The following IPCEF1 variants were observed in gnomAD, a reference collection of about 807,000 sequenced individuals.
The protein encoded by IPCEF1 is interactor protein for cytohesin exchange factors 1.
IPCEF1 carries 31 observed loss-of-function variants against 50.9 expected under a neutral mutation model. That is an observed-to-expected ratio of 0.61 (90% CI 0.46 to 0.82). The LOEUF is 0.82. IPCEF1 is among the 40% of genes least tolerant of loss of function. The pLI, the probability that IPCEF1 is intolerant of heterozygous loss-of-function variation, is 0.00. For missense variants in IPCEF1, 458 were observed against 514.0 expected (o/e 0.89, Z 1.05); for synonymous variants, 181 against 192.0 (o/e 0.94, Z 0.47).
intron 10 of IPCEF1, among the ~76,000 whole-genome samples, chr6:154,197,630 G>A (rs184879232): frequency 2.0e-5 from 3 of 152,320 alleles, no homozygotes; most frequent in Admixed American, 6.5e-5. Flanking sequence ...AAAAGGGCTG[G>A]TGGTACCCAG....
At chr6:154,283,852 C>T (rs962318841) in intron 2 of IPCEF1, among the ~76,000 whole-genome samples, 7 of 152,058 alleles carry the variant, frequency 4.6e-5, no homozygotes, top group African/African-American at 7.2e-5. Context: ...GCAAAATAAA[C>T]ACATTTTAGA....
At chr6:154,218,945 T>C (rs557979397) in intron 7 of IPCEF1, 1 of 152,312 alleles carries the variant, frequency 6.6e-6, no homozygotes, top group African/African-American at 2.4e-5. Context: ...ATAGCATAGA[T>C]AGGCGGTAAG....
At chr6:154,268,921 C>G (rs1369079869) in intron 2 of IPCEF1, among the ~76,000 whole-genome samples, 1 of 152,146 alleles carries the variant, frequency 6.6e-6, no homozygotes, top group African/African-American at 2.4e-5. Context: ...TGGGAGAGAT[C>G]GATCCCCTTT....
At chr6:154,241,622 T>G (rs1583885536) in intron 5 of IPCEF1, among the ~76,000 whole-genome samples, 1 of 152,298 alleles carries the variant, frequency 6.6e-6, no homozygotes, top group East Asian at 1.9e-4. Flanking sequence ...TTTATTTGCG[T>G]AGTGCGCCCT....
At chr6:154,246,176 T>C (rs1342515445) in intron 5 of IPCEF1, among the ~76,000 whole-genome samples, 1 of 152,164 alleles carries the variant, frequency 6.6e-6, no homozygotes, top group Non-Finnish European at 1.5e-5. Context: ...CTGAATTGAA[T>C]CAACTGACAC....
At chr6:154,270,143 A>G (rs993793071) in intron 2 of IPCEF1, among the ~76,000 whole-genome samples, 1 of 152,332 alleles carries the variant, frequency 6.6e-6, no homozygotes, top group Non-Finnish European at 1.5e-5. Context: ...ATTACCACAA[A>G]TTTAAAAATA....
chr6:154,331,792 C>T (rs185722834), intron 1 of IPCEF1, among the ~76,000 whole-genome samples: 26 of 152,186 alleles, frequency 1.7e-4, no homozygotes, highest in African/African-American at 6.0e-4. Flanking sequence ...TGCATGCAGC[C>T]CCTCCCAAGT....
At chr6:154,160,162 G>A (rs565093031) in intron 11 of IPCEF1, 122 bp from the exon 12 acceptor site, 29 of 741,954 alleles carry the variant, frequency 3.9e-5, no homozygotes, top group African/African-American at 3.1e-4. Context: ...ATTTTTGCAC[G>A]TTAATGTTCT....
Position 154,196,387 on chromosome 6 carries a change from A to G in IPCEF1, c.910+3281T>C, listed in dbSNP as rs1776626265. Among the ~76,000 whole-genome samples the G allele has an allele frequency of 3.9e-5, 6 of 152,306 alleles. 1 individual carries two copies. In the South Asian group the frequency reaches 1.2e-3, roughly 32 times the overall value. On this transcript the variant is annotated intron_variant, in intron 10 of 11. Transcript: ENST00000367220. ...TTTCCTGAAACATCATGCATGCTCT[A>G]GAATGCCTGCCTCTTCTTTAACAAT...
intron 10 of IPCEF1, among the ~76,000 whole-genome samples, chr6:154,189,192 T>C (rs1374585794): frequency 1.3e-5 from 2 of 152,198 alleles, no homozygotes; most frequent in Non-Finnish European, 2.9e-5. Flanking sequence ...TGCTAATCCA[T>C]AATCAAGATT....
chr6:154,155,932 G>T lies in IPCEF1; in HGVS notation c.*3896C>A, dbSNP rs2128543721. ...CTCTGTGACATTGTTTGTGACTGGA[G>T]TGCTACCTGAGTAAATTATCATGAT... is the stretch of plus-strand genomic sequence containing the variant. On this transcript the variant is annotated 3_prime_UTR_variant, in exon 12 of 12. Transcript: ENST00000367220. 1 of 152,258 alleles carries T rather than the reference G, an allele frequency of 6.6e-6. No individual in the cohort carries two copies. Among genetic ancestry groups the T allele is most frequent in the African/African-American group, 2.4e-5 (1 of 41,536 alleles). The allele number at this position is 152,258 out of a possible 1,614,324, so 9.4% of individuals were successfully genotyped here.
At chr6:154,267,367 G>A (rs1030682355) in intron 2 of IPCEF1, among the ~76,000 whole-genome samples, 9 of 151,626 alleles carry the variant, frequency 5.9e-5, no homozygotes, top group African/African-American at 2.2e-4. Context: ...AAAATACCAT[G>A]ATTCCATTTT....
intron 5 of IPCEF1, among the ~76,000 whole-genome samples, chr6:154,230,398 C>T (rs1021260439): frequency 1.3e-5 from 2 of 152,068 alleles, no homozygotes; most frequent in African/African-American, 4.8e-5. Context: ...AAAATTAAGT[C>T]TTTTAGAAAT....
intron 11 of IPCEF1, among the ~76,000 whole-genome samples, chr6:154,166,563 T>C (rs1198829277): frequency 6.6e-6 from 1 of 152,172 alleles, no homozygotes; most frequent in Non-Finnish European, 1.5e-5. Flanking sequence ...TAATCCACTG[T>C]CCCCCTTGGA....
chr6:154,214,749 A>T (rs1045704505), intron 7 of IPCEF1, among the ~76,000 whole-genome samples: 2 of 152,242 alleles, frequency 1.3e-5, no homozygotes, highest in African/African-American at 4.8e-5. Flanking sequence ...CAGTAAAAAA[A>T]ATCTGGCTAG....
At chr6:154,182,906 G>C (rs1231872961) in intron 10 of IPCEF1, among the ~76,000 whole-genome samples, 1 of 152,144 alleles carries the variant, frequency 6.6e-6, no homozygotes, top group Non-Finnish European at 1.5e-5. Context: ...GGAGGCAAGA[G>C]AAAGGAAGAA....
intron 1 of IPCEF1, among the ~76,000 whole-genome samples, chr6:154,322,373 AACACAC>A (rs3039689): frequency 0.026 from 3,190 of 123,830 alleles, 61 homozygotes; most frequent in Non-Finnish European, 0.04. Context: ...AAAAATTTTA[AACACAC>A]ACACACACAC....
At chr6:154,178,556 T>C (rs1442334154) in intron 10 of IPCEF1, among the ~76,000 whole-genome samples, 1 of 152,180 alleles carries the variant, frequency 6.6e-6, no homozygotes. Flanking sequence ...CAACTGTGTA[T>C]ATGTAAATAC....
rs373944913 is a variant in IPCEF1 at position 154,325,325 on chromosome 6, A to T, written c.-62+31347T>A. ...GATACACATAGATAAGTATATGTAC[A>T]TATCTGTATATGTACTTAAATATGC... On this transcript the variant is annotated intron_variant, in intron 1 of 11. Coordinates refer to ENST00000367220, the MANE Select transcript of IPCEF1 (RefSeq NM_001130700.2). 2.6e-5 allele frequency among the ~76,000 whole-genome samples: 4 copies of T among 152,316 alleles called. No homozygotes were observed. In the South Asian group the frequency reaches 8.3e-4, roughly 32 times the overall value.
Sources: gnomAD v4.1 joint callset for allele counts (sites outside exome capture counted in the v4.1 genomes callset) on GRCh38, gnomAD v4.1.1 for gene constraint, MANE v1.5 for transcripts, NCBI Gene and HGNC (gene_info 2026-07-23, HGNC 2026-07-21) for gene names.